SEC14L1: variants seen among roughly 807,000 people sequenced by gnomAD.
SEC14L1 encodes the protein SEC14 like lipid binding 1.
In SEC14L1, 48 loss-of-function variants were observed where a neutral mutation model predicts 85.3. That is an observed-to-expected ratio of 0.56 (90% CI 0.45 to 0.72). The LOEUF is 0.72. SEC14L1 is among the 30% of genes least tolerant of loss of function. The pLI is 0.00. For missense variants in SEC14L1, 682 were observed against 921.4 expected, an observed-to-expected ratio of 0.74 and a Z score of 3.36; for synonymous variants, 391 against 355.5, an observed-to-expected ratio of 1.10 and a Z score of -1.12.
chr17:77,185,173 G>T, intron 3 of SEC14L1: 2 of 980,094 alleles, frequency 2.0e-6, no homozygotes, highest in South Asian at 9.4e-5. Context: ...TGAAGTCCTC[G>T]TTCTCCTGAG....
At chr17:77,155,685 C>T (rs547523700) in intron 3 of SEC14L1, among the ~76,000 whole-genome samples, 1 of 152,328 alleles carries the variant, frequency 6.6e-6, no homozygotes, top group Non-Finnish European at 1.5e-5. Context: ...CTTGACTGTG[C>T]TGCCTGCAAG....
intron 14 of SEC14L1, chr17:77,211,588 G>A (rs927945705): frequency 5.0e-6 from 1 of 201,274 alleles, no homozygotes; most frequent in African/African-American, 2.3e-5. Context: ...CTTCTCCAGG[G>A]CCTTCTGTTC....
Position 77,209,493 on chromosome 17 carries a change from C to G in SEC14L1, c.1611+17C>G, listed in dbSNP as rs377696820. The G allele has an allele frequency of 6.2e-7, 1 of 1,612,100 alleles. No homozygotes were observed. Among genetic ancestry groups the G allele is most frequent in the Non-Finnish European group, 8.5e-7 (1 of 1,179,502 alleles). On this transcript the variant is annotated intron_variant, in intron 14 of 16. Coordinates refer to ENST00000436233, the MANE Select transcript of SEC14L1 (RefSeq NM_001143998.2). ...CCACATGAGGTACGTCCTCCGCCTT[C>G]CTGCACCTGGGCCGGCCCTTCCTCC... is the stretch of plus-strand genomic sequence containing the variant.
At chr17:77,202,512 G>C (rs538897347) in intron 9 of SEC14L1, among the ~76,000 whole-genome samples, 2 of 152,260 alleles carry the variant, frequency 1.3e-5, no homozygotes, top group Middle Eastern at 3.4e-3. Context: ...CCAGCTATTC[G>C]GGAGGCTGAG....
At position 77,090,505 on chromosome 17, in the gene SEC14L1, T is replaced by TAA. The variant is rs34751442; in HGVS notation, c.-240+1251_-240+1252dup. ...CCTCATTTCTATGTTTTTTAATTAT[T>TAA]AAAAAAAAAAAAAAAAAAGATCCGA... On this transcript the variant is annotated intron_variant, in intron 2 of 19. Coordinates refer to the SEC14L1 transcript ENST00000392476. 1.1e-3 allele frequency among the ~76,000 whole-genome samples: 144 copies of TAA among 125,302 alleles called. 1 individual carries two copies. The highest frequency in any genetic ancestry group is 3.3e-3 in the East Asian group (14 of 4,286). The allele number at this position is 125,302 out of a possible 152,430, so 82.2% of individuals were successfully genotyped here.
chr17:77,215,850 G>T lies in SEC14L1; in HGVS notation c.*1827G>T. 1.0e-6 allele frequency: 1 copy of T among 960,368 alleles called. No individual in the cohort carries two copies. Among genetic ancestry groups the T allele is most frequent in the African/African-American group, 2.0e-5 (1 of 50,778 alleles). 59.5% of individuals were successfully genotyped at this position (960,368 alleles called of 1,614,324 possible). ...TTAGTAGGTAGGGCTAGTAGGTAGG[G>T]TTAGTAGGTAGGGTTCGTAGGTAGG... is the stretch of plus-strand genomic sequence containing the variant. On this transcript the variant is annotated 3_prime_UTR_variant, in exon 17 of 17. Transcript: ENST00000436233.
intron 3 of SEC14L1, among the ~76,000 whole-genome samples, chr17:77,145,619 T>C (rs968687382): frequency 2.0e-5 from 3 of 152,186 alleles, no homozygotes; most frequent in Admixed American, 2.0e-4. Flanking sequence ...ATCTGTGCTG[T>C]TTTGGCTTTT....
intron 9 of SEC14L1, among the ~76,000 whole-genome samples, chr17:77,202,580 G>A (rs1200893427): frequency 6.6e-6 from 1 of 151,602 alleles, no homozygotes; most frequent in Non-Finnish European, 1.5e-5. Flanking sequence ...GATCGTGCCA[G>A]TGCACTCCAG....
At position 77,196,326 on chromosome 17, in the gene SEC14L1, C is replaced by T; in HGVS notation, c.819+15C>T. 2.0e-6 allele frequency: 3 copies of T among 1,500,128 alleles called. No individual in the cohort carries two copies. The highest frequency in any genetic ancestry group is 2.8e-6 in the Non-Finnish European group (3 of 1,077,468). The allele number at this position is 1,500,128 out of a possible 1,614,324, so 92.9% of individuals were successfully genotyped here. ...ACAAGGGCAAAGTGAGTGTCAGCAC[C>T]ACACCCAGTGTGCAGGGCCAGAGCT... On this transcript the variant is annotated intron_variant, in intron 8 of 16. Transcript: ENST00000436233.
intron 3 of SEC14L1, among the ~76,000 whole-genome samples, chr17:77,170,286 G>C (rs1974469342): frequency 6.6e-6 from 1 of 152,148 alleles, no homozygotes; most frequent in Non-Finnish European, 1.5e-5. Flanking sequence ...CATGACTCTG[G>C]AGAGGATGGT....
chr17:77,210,772 C>G (rs1354154176), intron 14 of SEC14L1: 1 of 152,218 alleles, frequency 6.6e-6, no homozygotes. Context: ...TTGTTAGGCA[C>G]TATCGCTCTT....
rs673918 is a variant in SEC14L1 at position 77,194,764 on chromosome 17, A to C, written c.562A>C (p.Thr188Pro). ...VPRWSPPSITTSSETSSSSSK... is the reference protein window; with the variant it reads ...VPRWSPPSITPSSETSSSSSK... The stretch of plus-strand genomic sequence containing the variant: ...CCGTTGGAGTCCGCCTTCCATCACG[A>C]CCTCTTCAGAGACATCTTCATCATC... Residue 188 changes from threonine to proline, a missense_variant, in exon 7 of 17, where the codon ACC becomes CCC. Physicochemically the swap from Thr to Pro is conservative, Grantham distance 38. This residue lies in a region of SEC14L1 where 123 missense variants were observed against 100.6 expected (regional missense o/e 1.22). Transcript: ENST00000436233. 1 allele frequency: 1,610,794 copies of C among 1,614,190 alleles called. 803,768 individuals are homozygous for C. Among genetic ancestry groups the C allele is most frequent in the East Asian group, 1 (44,876 of 44,876 alleles).
At chr17:77,089,339 C>G (rs531414183) in intron 2 of SEC14L1, 11 of 511,392 alleles carry the variant, frequency 2.2e-5, no homozygotes, top group South Asian at 7.1e-5. Flanking sequence ...TGTTGTTGAG[C>G]CTGCCAAGTT....
intron 3 of SEC14L1, among the ~76,000 whole-genome samples, chr17:77,146,173 G>A (rs182641720): frequency 2.8e-4 from 42 of 152,308 alleles, no homozygotes; most frequent in African/African-American, 9.9e-4. Flanking sequence ...CTGGGCTGGT[G>A]GAGCTGGGGA....
chr17:77,130,444 G>GT (rs1024753989), intron 3 of SEC14L1, among the ~76,000 whole-genome samples: 1 of 151,228 alleles, frequency 6.6e-6, no homozygotes, highest in African/African-American at 2.4e-5. Flanking sequence ...AGCCTCCCGA[G>GT]TATCTGGGAT....
rs2143231831 is a variant in SEC14L1, at chr17:77,213,148, GT to G, written c.1864-165del. Among the ~76,000 whole-genome samples the G allele has an allele frequency of 1.3e-5, 2 of 152,376 alleles. No homozygotes were observed. The highest frequency in any genetic ancestry group is 2.9e-5 in the Non-Finnish European group (2 of 68,022). ...CACACTCAGTAGAGGGAAGGACATT[GT>G]CAAACCTGCTGCTGAAGCAAAATAG... On this transcript the variant is annotated intron_variant, in intron 15 of 16. Coordinates refer to ENST00000436233, the MANE Select transcript of SEC14L1 (RefSeq NM_001143998.2). The surrounding 1 kb of genome is among the most constrained non-coding windows in gnomAD (Gnocchi z 7.1).
At chr17:77,177,091 G>T (rs1412173624) in intron 3 of SEC14L1, among the ~76,000 whole-genome samples, 3 of 151,872 alleles carry the variant, frequency 2.0e-5, no homozygotes, top group Non-Finnish European at 2.9e-5. Context: ...TAAATTGTTT[G>T]GACATAGTAA....
chr17:77,143,472 C>G (rs1246001644), intron 2 of SEC14L1, 95 bp from the exon 3 acceptor site: 2 of 666,880 alleles, frequency 3.0e-6, no homozygotes, highest in Non-Finnish European at 2.6e-6. Flanking sequence ...TGGTCTCTTT[C>G]TGTCGTTAGA....
At chr17:77,180,278 GT>G (rs924003221) in intron 3 of SEC14L1, among the ~76,000 whole-genome samples, 8 of 151,586 alleles carry the variant, frequency 5.3e-5, no homozygotes, top group Non-Finnish European at 8.8e-5. Context: ...TGATTTTTCT[GT>G]TTTTAGTAGA....
Sources: gnomAD v4.1 joint callset for allele counts (sites outside exome capture counted in the v4.1 genomes callset) on GRCh38, gnomAD v4.1.1 for gene constraint, gnomAD v4.1.1 regional missense constraint, Gnocchi (gnomAD v3.1) non-coding constraint, MANE v1.5 for transcripts, NCBI Gene and HGNC (gene_info 2026-07-23, HGNC 2026-07-21) for gene names.